The following CDH23 variants were observed in gnomAD, a reference collection of about 807,000 sequenced individuals.
CDH23 encodes cadherin-23.
Under a neutral mutation model 317.1 loss-of-function variants are expected in CDH23, and 189 were observed. That is an observed-to-expected ratio of 0.60 (90% confidence interval 0.53 to 0.67). The LOEUF (loss-of-function observed/expected upper bound fraction) is 0.67. Ranked by LOEUF, CDH23 falls within the 30% of genes least tolerant of loss-of-function variation. The pLI, the probability that CDH23 is intolerant of heterozygous loss-of-function variation, is 0.00. For missense variants in CDH23, 4,401 were observed against 4,592.4 expected (o/e 0.96, Z 1.20); for synonymous variants, 1,839 against 1,876.8 (o/e 0.98, Z 0.52).
chr10:71,796,300 G>A (rs1265589065), intron 48 of CDH23, among the ~76,000 whole-genome samples: 1 of 152,212 alleles, frequency 6.6e-6, no homozygotes, highest in African/African-American at 2.4e-5. Context: ...AACTAGGTCT[G>A]TCCAGTCCCC....
intron 1 of CDH23, among the ~76,000 whole-genome samples, chr10:71,415,752 TGATTTATG>T (rs1234747093): frequency 6.6e-6 from 1 of 152,224 alleles, no homozygotes; most frequent in Non-Finnish European, 1.5e-5. Flanking sequence ...GTTTCCTCTT[TGATTTATG>T]GGTTTTTAAA....
chr10:71,697,719 T>C (rs942171536), intron 22 of CDH23, among the ~76,000 whole-genome samples: 6 of 151,498 alleles, frequency 4.0e-5, no homozygotes, highest in Non-Finnish European at 7.4e-5. Flanking sequence ...GGGAGTGTCA[T>C]GTCACTCTTC....
chr10:71,435,509 GTCT>G (rs1849575959), intron 1 of CDH23, among the ~76,000 whole-genome samples: 3 of 152,228 alleles, frequency 2.0e-5, no homozygotes, highest in Admixed American at 2.0e-4. Flanking sequence ...CTGGCTATGT[GTCT>G]TCTTAGGAGG....
chr10:71,705,064 C>T lies in CDH23; in HGVS notation c.2887C>T (p.Leu963=). 1 of 1,612,600 alleles carries T rather than the reference C, an allele frequency of 6.2e-7. No individual in the cohort carries two copies. The highest frequency in any genetic ancestry group is 8.5e-7 in the Non-Finnish European group (1 of 1,179,804). Reference sequence around the variant, plus strand: ...CCGCGAGCGCATCGCGGAGTACCAGCTGCGGGTGGTGGCCAGTGATGCAGG... The same window carrying T: ...CCGCGAGCGCATCGCGGAGTACCAGTTGCGGGTGGTGGCCAGTGATGCAGG... ...LDRERIAEYQ[L]RVVASDAGTP... is the part of the protein sequence containing the mutation. Residue 963 remains leucine, a synonymous_variant, in exon 25 of 70, where the codon CTG becomes TTG. Transcript: ENST00000224721.
At chr10:71,462,791 G>A (rs567561638) in intron 3 of CDH23, among the ~76,000 whole-genome samples, 2 of 152,356 alleles carry the variant, frequency 1.3e-5, no homozygotes, top group Admixed American at 6.5e-5. Context: ...GCCCCTGCCT[G>A]CACAGGTGCT....
chr10:71,565,965 AAGC>A (rs1857373055), intron 6 of CDH23, among the ~76,000 whole-genome samples: 1 of 152,160 alleles, frequency 6.6e-6, no homozygotes, highest in Admixed American at 6.5e-5. Context: ...AGCAAAGGAA[AAGC>A]ACATTCAGAC....
At position 71,716,304 on chromosome 10, in the gene CDH23, G is replaced by T; in HGVS notation, c.3369+3491G>T. The T allele has an allele frequency of 2.0e-6, 3 of 1,508,576 alleles. No homozygotes were observed. In the South Asian group the frequency reaches 3.9e-5, roughly 19 times the overall value. 93.4% of individuals were successfully genotyped at this position (1,508,576 alleles called of 1,614,324 possible). On this transcript the variant is annotated intron_variant, in intron 28 of 69. Coordinates refer to ENST00000224721, the MANE Select transcript of CDH23 (RefSeq NM_022124.6). ...AGAAAGGCGAGGGGGCTGATGGCTG[G>T]GGAGCTGGCGAGGCTGGGGCCCTCT...
intron 3 of CDH23, among the ~76,000 whole-genome samples, chr10:71,471,475 C>G (rs1023207657): frequency 2.6e-5 from 4 of 152,136 alleles, no homozygotes; most frequent in African/African-American, 9.7e-5. Flanking sequence ...CACCCTCTGC[C>G]CCCTTTATGT....
At chr10:71,571,153 G>A (rs1024530124) in intron 8 of CDH23, among the ~76,000 whole-genome samples, 30 of 152,222 alleles carry the variant, frequency 2.0e-4, no homozygotes, top group Non-Finnish European at 2.4e-4. Flanking sequence ...AAAGAACAAA[G>A]GCTTCCAGGG....
chr10:71,533,073 G>T (rs1316569585), intron 6 of CDH23, among the ~76,000 whole-genome samples: 1 of 152,150 alleles, frequency 6.6e-6, no homozygotes, highest in Admixed American at 6.6e-5. Context: ...GCTGTATCTG[G>T]CACTGTGGGT....
At chr10:71,690,182 G>A (rs1008631528) in intron 19 of CDH23, among the ~76,000 whole-genome samples, 49 of 152,158 alleles carry the variant, frequency 3.2e-4, no homozygotes, top group African/African-American at 1.2e-3. Context: ...CCAAGCAGGG[G>A]CCAGGGAGAC....
intron 8 of CDH23, among the ~76,000 whole-genome samples, chr10:71,574,043 C>T (rs1233990746): frequency 6.6e-6 from 1 of 152,062 alleles, no homozygotes; most frequent in African/African-American, 2.4e-5. Flanking sequence ...TTTAACGCAG[C>T]ATTCCCAGGC....
At chr10:71,571,505 G>A (rs887218375) in intron 8 of CDH23, among the ~76,000 whole-genome samples, 7 of 152,228 alleles carry the variant, frequency 4.6e-5, no homozygotes, top group South Asian at 2.1e-4. Context: ...TCACCAGCCT[G>A]TAGATCGGCT....
chr10:71,727,355 C>A (rs1173934643), intron 30 of CDH23, among the ~76,000 whole-genome samples: 1 of 152,208 alleles, frequency 6.6e-6, no homozygotes, highest in Non-Finnish European at 1.5e-5. Flanking sequence ...GCCTCATCCC[C>A]ACAGGGTAAT....
chr10:71,587,892 A>G (rs563837117), intron 9 of CDH23, among the ~76,000 whole-genome samples: 1 of 152,368 alleles, frequency 6.6e-6, no homozygotes, highest in African/African-American at 2.4e-5. Context: ...ACAAAAGAAA[A>G]AGCAATAAGA....
At chr10:71,495,443 T>A (rs1334312868) in intron 3 of CDH23, among the ~76,000 whole-genome samples, 1 of 152,120 alleles carries the variant, frequency 6.6e-6, no homozygotes, top group Non-Finnish European at 1.5e-5. Flanking sequence ...CTGGGTTGGG[T>A]CTCTGGCTAA....
At chr10:71,559,571 A>G (rs1309259435) in intron 6 of CDH23, among the ~76,000 whole-genome samples, 1 of 152,242 alleles carries the variant, frequency 6.6e-6, no homozygotes, top group Non-Finnish European at 1.5e-5. Flanking sequence ...CCAAAAAGCC[A>G]GTACACAGCT....
At chr10:71,526,060 A>T (rs758312224) in intron 6 of CDH23, among the ~76,000 whole-genome samples, 36 of 152,226 alleles carry the variant, frequency 2.4e-4, no homozygotes, top group Admixed American at 5.9e-4. Context: ...TTGAGGACCC[A>T]GATAGCCACC....
intron 9 of CDH23, among the ~76,000 whole-genome samples, chr10:71,597,714 T>TTTAATGGC (rs1194510787): frequency 6.6e-6 from 1 of 152,162 alleles, no homozygotes; most frequent in African/African-American, 2.4e-5. Flanking sequence ...TGCTAGACAG[T>TTTAATGGC]TTAATGGCTA....
Sources: allele counts gnomAD v4.1 joint callset (sites outside exome capture counted in the v4.1 genomes callset), GRCh38; gene constraint gnomAD v4.1.1; transcripts MANE v1.5; gene names NCBI Gene and HGNC (gene_info 2026-07-23, HGNC 2026-07-21).